Variants in FERMT2 observed in about 807,000 individuals in gnomAD.
The protein encoded by FERMT2 is FERM domain containing kindlin 2, also known as fermitin family homolog 2.
In FERMT2, 15 loss-of-function variants were observed where a neutral mutation model predicts 82.7. The ratio of observed to expected loss-of-function variants is 0.18; its 90% CI spans 0.12 to 0.28. The LOEUF (loss-of-function observed/expected upper bound fraction) is 0.28. Ranked by LOEUF, FERMT2 falls within the 10% of genes least tolerant of loss-of-function variation. FERMT2 has a pLI of 1.00. For missense variants in FERMT2, 645 were observed against 809.4 expected, an observed-to-expected ratio of 0.80 and a Z score of 2.46; for synonymous variants, 274 against 271.5, an observed-to-expected ratio of 1.01 and a Z score of -0.09.
intron 2 of FERMT2, among the ~76,000 whole-genome samples, chr14:52,920,439 A>G (rs1888894393): frequency 6.6e-6 from 1 of 151,136 alleles, no homozygotes; most frequent in Non-Finnish European, 1.5e-5. Flanking sequence ...GAGACCAGGC[A>G]AGGCAACATG....
chr14:52,892,463 T>G lies in FERMT2; in HGVS notation c.526+830A>C, dbSNP rs111821445. Among the ~76,000 whole-genome samples, 73 of 23,354 alleles carry G rather than the reference T, an allele frequency of 3.1e-3. 1 individual carries two copies. The highest frequency in any genetic ancestry group is 0.015 in the Non-Finnish European group (46 of 3,158). 15.3% of individuals were successfully genotyped at this position (23,354 alleles called of 152,430 possible). On this transcript the variant is annotated intron_variant, in intron 4 of 14. Coordinates refer to ENST00000341590, the MANE Select transcript of FERMT2 (RefSeq NM_006832.3). Reference sequence around the variant, plus strand: ...CGCCTGGTGCTGTTTTTTGTTTTTTTTTTTTTTTGAGATGGAGTTTTGCTC... The same window carrying G: ...CGCCTGGTGCTGTTTTTTGTTTTTTGTTTTTTTTGAGATGGAGTTTTGCTC...
intron 2 of FERMT2, among the ~76,000 whole-genome samples, chr14:52,947,746 T>G (rs1055397378): frequency 1.3e-5 from 2 of 152,082 alleles, no homozygotes; most frequent in Non-Finnish European, 2.9e-5. Flanking sequence ...AACCATAAAA[T>G]TGTGTCATGA....
At chr14:52,935,985 T>C (rs1044665153) in intron 2 of FERMT2, among the ~76,000 whole-genome samples, 1 of 152,212 alleles carries the variant, frequency 6.6e-6, no homozygotes, top group Non-Finnish European at 1.5e-5. Flanking sequence ...CAATTATTAA[T>C]TTCCAGAGGG....
intron 2 of FERMT2, among the ~76,000 whole-genome samples, chr14:52,942,209 AAT>A (rs58857161): frequency 0.27 from 40,263 of 149,388 alleles, 5,663 homozygotes; most frequent in East Asian, 0.42. Flanking sequence ...GCATAACACA[AAT>A]AGTTTATATA....
At chr14:52,922,675 A>C (rs1420965591) in intron 2 of FERMT2, among the ~76,000 whole-genome samples, 3 of 152,274 alleles carry the variant, frequency 2.0e-5, no homozygotes, top group Middle Eastern at 6.8e-3. Context: ...CCAACCACAA[A>C]ATCTAAAGAA....
At chr14:52,899,884 G>A (rs954011801) in intron 3 of FERMT2, among the ~76,000 whole-genome samples, 3 of 152,186 alleles carry the variant, frequency 2.0e-5, no homozygotes, top group Admixed American at 6.5e-5. Flanking sequence ...ATGTGTAAGA[G>A]TGGGGCTGGA....
intron 4 of FERMT2, among the ~76,000 whole-genome samples, chr14:52,891,008 T>C (rs565717869): frequency 1.3e-5 from 2 of 152,318 alleles, no homozygotes; most frequent in South Asian, 2.1e-4. Flanking sequence ...GGAAGTAAAT[T>C]TGATACTCTT....
chr14:52,880,675 G>A (rs1886240064), intron 6 of FERMT2, among the ~76,000 whole-genome samples: 1 of 152,046 alleles, frequency 6.6e-6, no homozygotes, highest in Non-Finnish European at 1.5e-5. Flanking sequence ...GAGATTACAG[G>A]CGTTGAGCCA....
intron 12 of FERMT2, chr14:52,863,481 G>A (rs1314126630): frequency 2.0e-5 from 3 of 152,096 alleles, no homozygotes. Context: ...CATGATGTTG[G>A]GGGCAGAGAA....
chr14:52,931,404 T>C (rs1269431362), intron 2 of FERMT2, among the ~76,000 whole-genome samples: 1 of 152,324 alleles, frequency 6.6e-6, no homozygotes, highest in African/African-American at 2.4e-5. Context: ...CAATGGAGGC[T>C]CTCAGATTGT....
At chr14:52,892,621 A>AT (rs1433087341) in intron 4 of FERMT2, among the ~76,000 whole-genome samples, 1 of 151,240 alleles carries the variant, frequency 6.6e-6, no homozygotes, top group African/African-American at 2.4e-5. Context: ...CGTCCAGCTA[A>AT]TTTTTTTTGG....
At chr14:52,900,380 A>ACATAT in intron 3 of FERMT2, among the ~76,000 whole-genome samples, 1 of 152,022 alleles carries the variant, frequency 6.6e-6, no homozygotes, top group Admixed American at 6.6e-5. Flanking sequence ...TACATATAAA[A>ACATAT]AAGCATGAGG....
chr14:52,864,485 C>G lies in FERMT2; in HGVS notation c.1518G>C (p.Gln506His), dbSNP rs369784505. The G allele has an allele frequency of 6.2e-7, 1 of 1,613,992 alleles. No individual in the cohort carries two copies. Among genetic ancestry groups the G allele is most frequent in the African/African-American group, 1.3e-5 (1 of 74,918 alleles). ...LKMQHLNPDPQLIPEQITTDI... is the reference protein window; with the variant it reads ...LKMQHLNPDPHLIPEQITTDI... ...CAGTCGTGATCTGCTCTGGTATTAA[C>G]TGAGGATCTGGGTTTAAATGCTGCA... is the stretch of plus-strand genomic sequence containing the variant. Residue 506 changes from glutamine to histidine, a missense_variant, in exon 12 of 15, where the codon CAG becomes CAC. Coordinates refer to ENST00000341590, the MANE Select transcript of FERMT2 (RefSeq NM_006832.3).
Position 52,858,382 on chromosome 14 carries a change from C to A in FERMT2, c.2038G>T (p.Val680Leu). 6.2e-7 allele frequency: 1 copy of A among 1,613,724 alleles called. No individual in the cohort carries two copies. Among genetic ancestry groups the A allele is most frequent in the Non-Finnish European group, 8.5e-7 (1 of 1,179,644 alleles). Residue 680 changes from valine to leucine, a missense_variant, in exon 15 of 15, where the codon GTG becomes TTG. Coordinates refer to ENST00000341590, the MANE Select transcript of FERMT2 (RefSeq NM_006832.3). Reference protein sequence around the residue: ...EMFYKLTSGWV With the variant: ...EMFYKLTSGWL ...TCATTAAACAGTATTCCTATTCACACCCAACCACTGGTAAGTTTGTAGAAC... is the reference window on the plus strand; with the variant it reads ...TCATTAAACAGTATTCCTATTCACAACCAACCACTGGTAAGTTTGTAGAAC...
chr14:52,858,523 G>C lies in FERMT2; in HGVS notation c.1897C>G (p.Arg633Gly). 1 of 1,614,014 alleles carries C rather than the reference G, an allele frequency of 6.2e-7. No individual in the cohort carries two copies. Among genetic ancestry groups the C allele is most frequent in the Non-Finnish European group, 8.5e-7 (1 of 1,179,954 alleles). Residue 633 changes from arginine to glycine, a missense_variant, in exon 15 of 15, where the codon CGA (arginine) becomes GGA (glycine). By Grantham distance (125) the Arg-to-Gly change is moderately radical. Coordinates refer to ENST00000341590, the MANE Select transcript of FERMT2 (RefSeq NM_006832.3). ...ACTTCAGTACAAATGAAGGACAATCGTACTTCATCTGCAAACTCTACGGTG... is the reference window on the plus strand; with the variant it reads ...ACTTCAGTACAAATGAAGGACAATCCTACTTCATCTGCAAACTCTACGGTG... The part of the protein sequence containing the change: ...MVTVEFADEV[R>G]LSFICTEVDC...
chr14:52,896,720 T>A (rs150519576), intron 3 of FERMT2, among the ~76,000 whole-genome samples: 3 of 152,300 alleles, frequency 2.0e-5, no homozygotes, highest in Non-Finnish European at 4.4e-5. Flanking sequence ...CCTGGCACAG[T>A]GGTTCACGCC....
chr14:52,949,590 C>T (rs1444326191), intron 2 of FERMT2, among the ~76,000 whole-genome samples: 2 of 152,150 alleles, frequency 1.3e-5, no homozygotes, highest in Admixed American at 6.5e-5. Context: ...ATTTAGCTGA[C>T]TCTTCCAGAT....
rs567575481 is a variant in FERMT2, at chr14:52,900,472, C to T, written c.392-7045G>A. On this transcript the variant is annotated intron_variant, in intron 3 of 14. Coordinates refer to ENST00000341590, the MANE Select transcript of FERMT2 (RefSeq NM_006832.3). ...TCTGGTTAAAAAAGTATATTGAATACGTGCATTTATTTTCACTCCTTTCAA... is the reference window on the plus strand; with the variant it reads ...TCTGGTTAAAAAAGTATATTGAATATGTGCATTTATTTTCACTCCTTTCAA... 1.9e-4 allele frequency among the ~76,000 whole-genome samples: 29 copies of T among 151,970 alleles called. 1 individual carries two copies. The highest frequency in any genetic ancestry group is 1.6e-3 in the Admixed American group (24 of 15,252).
rs1890595259 is a variant in FERMT2 at position 52,950,729 on chromosome 14, G to A, written c.-9-152C>T. 4.2e-5 allele frequency: 29 copies of A among 687,590 alleles called. No homozygotes were observed. In the South Asian group the frequency reaches 5.4e-4, roughly 13 times the overall value. 42.6% of individuals were successfully genotyped at this position (687,590 alleles called of 1,614,324 possible). A position where few individuals can be genotyped will look rare whatever the true frequency, so the allele number is the denominator to read the frequency against. On this transcript the variant is annotated intron_variant, in intron 1 of 14. Transcript: ENST00000341590. The stretch of plus-strand genomic sequence containing the variant: ...CGGGAGGGCGGCGGCGGCCGGGGCT[G>A]CGGGAGGACCCTACGCCCCGCTCGC...
Sources: gnomAD v4.1 joint callset for allele counts (sites outside exome capture counted in the v4.1 genomes callset) on GRCh38, gnomAD v4.1.1 for gene constraint, MANE v1.5 for transcripts, NCBI Gene and HGNC (gene_info 2026-07-23, HGNC 2026-07-21) for gene names.